Variants in LRP1B observed in about 807,000 individuals in gnomAD.
LRP1B encodes LDL receptor related protein 1B.
Under a neutral mutation model 556.6 loss-of-function variants are expected in LRP1B, and 217 were observed. That is an observed-to-expected ratio of 0.39 (90% CI 0.35 to 0.44). LRP1B has a LOEUF of 0.44. Ranked by LOEUF, LRP1B falls within the 20% of genes least tolerant of loss-of-function variation. The pLI is 1.00. For synonymous variants in LRP1B, 2,047 were observed against 1,865.8 expected, an observed-to-expected ratio of 1.10 and a Z score of -2.50; for missense variants, 5,053 against 5,620.8, an observed-to-expected ratio of 0.90 and a Z score of 3.23.
chr2:141,923,388 A>C (rs1448813164), intron 1 of LRP1B, among the ~76,000 whole-genome samples: 1 of 28,534 alleles, frequency 3.5e-5, no homozygotes, highest in Non-Finnish European at 7.0e-5. Context: ...ATTTTTAATG[A>C]AATTATCTCT....
intron 2 of LRP1B, among the ~76,000 whole-genome samples, chr2:141,798,571 G>A (rs1286895962): frequency 6.6e-6 from 1 of 151,726 alleles, no homozygotes; most frequent in Non-Finnish European, 1.5e-5. Context: ...GCTGGGCGTG[G>A]TGGTGGGTGC....
intron 16 of LRP1B, among the ~76,000 whole-genome samples, chr2:140,990,125 T>C (rs547039327): frequency 6.6e-6 from 1 of 152,168 alleles, no homozygotes; most frequent in South Asian, 2.1e-4. Context: ...GAGAATCGCT[T>C]GAACCCAAGA....
intron 32 of LRP1B, among the ~76,000 whole-genome samples, chr2:140,794,444 A>T (rs1400640301): frequency 6.6e-6 from 1 of 151,522 alleles, no homozygotes; most frequent in Non-Finnish European, 1.5e-5. Context: ...TTTAATTTGC[A>T]TAGAAATGAC....
At chr2:142,074,908 A>C (rs7563673) in intron 1 of LRP1B, among the ~76,000 whole-genome samples, 1 of 152,026 alleles carries the variant, frequency 6.6e-6, no homozygotes, top group Non-Finnish European at 1.5e-5. Context: ...TGTGTTATAC[A>C]CTACTTTCAG....
At chr2:142,064,779 A>C (rs2104899415) in intron 1 of LRP1B, among the ~76,000 whole-genome samples, 1 of 151,708 alleles carries the variant, frequency 6.6e-6, no homozygotes, top group African/African-American at 2.4e-5. Flanking sequence ...TTTCAGATCA[A>C]GAATTGACTT....
rs577784811 is a variant in LRP1B, at chr2:140,429,938, A to C, written c.10414+12566T>G. Reference sequence around the variant, plus strand: ...CTCCCCGGCTCCTTCAGCTGTACTCACTCTTTGTTGAGTCTCCCACAATTA... The same window carrying C: ...CTCCCCGGCTCCTTCAGCTGTACTCCCTCTTTGTTGAGTCTCCCACAATTA... On this transcript the variant is annotated intron_variant, in intron 66 of 90. Coordinates refer to ENST00000389484, the MANE Select transcript of LRP1B (RefSeq NM_018557.3). Among the ~76,000 whole-genome samples, 48 of 151,282 alleles carry C rather than the reference A, an allele frequency of 3.2e-4. 1 individual carries two copies. In the South Asian group the frequency reaches 0.01, roughly 32 times the overall value.
At chr2:140,365,522 A>G (rs1183171321) in intron 71 of LRP1B, among the ~76,000 whole-genome samples, 1 of 151,734 alleles carries the variant, frequency 6.6e-6, no homozygotes, top group African/African-American at 2.4e-5. Flanking sequence ...ATGTAGCAAT[A>G]TACAGTGGAG....
intron 3 of LRP1B, among the ~76,000 whole-genome samples, chr2:141,359,501 T>A (rs1255449422): frequency 6.6e-6 from 1 of 152,196 alleles, no homozygotes; most frequent in African/African-American, 2.4e-5. Context: ...CTCACATCTG[T>A]AATCCCAGCA....
At chr2:140,553,576 A>G (rs1349680126) in intron 43 of LRP1B, among the ~76,000 whole-genome samples, 1 of 152,068 alleles carries the variant, frequency 6.6e-6, no homozygotes, top group Non-Finnish European at 1.5e-5. Flanking sequence ...CCTAATTTCT[A>G]TTACTCTGAG....
Position 142,009,611 on chromosome 2 carries a change from C to T in LRP1B, c.82+121037G>A, listed in dbSNP as rs144715298. On this transcript the variant is annotated intron_variant, in intron 1 of 90. Transcript: ENST00000389484. ...CATAATAAAATCTGGAAGCACACGC[C>T]GATATATCTAATGTTGTCAAGGGCA... Among the ~76,000 whole-genome samples the T allele has an allele frequency of 5.0e-3, 756 of 152,080 alleles. 7 individuals are homozygous for T. Among genetic ancestry groups the T allele is most frequent in the African/African-American group, 0.017 (718 of 41,484 alleles).
intron 1 of LRP1B, among the ~76,000 whole-genome samples, chr2:142,072,599 T>G (rs1705359686): frequency 6.6e-6 from 1 of 152,014 alleles, no homozygotes; most frequent in Non-Finnish European, 1.5e-5. Context: ...TTTGTGATTT[T>G]TTTTGTTTAG....
intron 2 of LRP1B, among the ~76,000 whole-genome samples, chr2:141,524,115 T>C (rs1684614294): frequency 6.6e-6 from 1 of 152,142 alleles, no homozygotes; most frequent in Non-Finnish European, 1.5e-5. Flanking sequence ...TTTAGTGAAC[T>C]TAACTTTCCT....
chr2:141,714,878 T>C (rs765066428), intron 2 of LRP1B, among the ~76,000 whole-genome samples: 23 of 152,176 alleles, frequency 1.5e-4, no homozygotes, highest in Non-Finnish European at 2.9e-4. Context: ...AGAGGGCTGA[T>C]AAGTTTTGTC....
chr2:141,432,452 T>G (rs1218609136), intron 3 of LRP1B, among the ~76,000 whole-genome samples: 2 of 152,100 alleles, frequency 1.3e-5, no homozygotes, highest in African/African-American at 2.4e-5. Flanking sequence ...TCTTGCCTAA[T>G]AGAATGAATT....
chr2:140,586,028 T>A (rs7598903), intron 43 of LRP1B, among the ~76,000 whole-genome samples: 150,468 of 152,296 alleles, frequency 0.99, 74,363 homozygotes, highest in Middle Eastern at 1. Flanking sequence ...TTAAAAAAAC[T>A]CAAATAGATG....
rs1680548567 is a variant in LRP1B, at chr2:141,431,163, A to AAATG, written c.343+49229_343+49232dup. On this transcript the variant is annotated intron_variant, in intron 3 of 90. Transcript: ENST00000389484. Reference sequence around the variant, plus strand: ...AATCAAAATAAATAAATAAATAAATAAATGAAATAGATTACCATAGATTAT... The same window carrying AAATG: ...AATCAAAATAAATAAATAAATAAATAAATGAATGAAATAGATTACCATAGATTAT... Among the ~76,000 whole-genome samples the AAATG allele has an allele frequency of 3.3e-5, 5 of 152,018 alleles. No individual in the cohort carries two copies. The South Asian group carries it at 1.0e-3, about 32-fold the overall frequency.
chr2:140,881,179 AAGAT>A (rs1212144991), intron 25 of LRP1B, among the ~76,000 whole-genome samples: 1 of 151,998 alleles, frequency 6.6e-6, no homozygotes, highest in Non-Finnish European at 1.5e-5. Flanking sequence ...ACATAGCACT[AAGAT>A]AGTAAGCTGA....
chr2:141,160,251 T>C (rs374914107), intron 7 of LRP1B, among the ~76,000 whole-genome samples: 2 of 152,166 alleles, frequency 1.3e-5, no homozygotes, highest in African/African-American at 4.8e-5. Context: ...AAGTAAAAAT[T>C]ACTGACAATG....
intron 3 of LRP1B, among the ~76,000 whole-genome samples, chr2:141,441,892 C>G (rs4483982): frequency 0.056 from 8,491 of 152,200 alleles, 740 homozygotes; most frequent in African/African-American, 0.19. Context: ...ATCTGGTAAT[C>G]AAGGTTCTCA....
Sources: gnomAD v4.1 joint callset for allele counts (sites outside exome capture counted in the v4.1 genomes callset) on GRCh38, gnomAD v4.1.1 for gene constraint, MANE v1.5 for transcripts, NCBI Gene and HGNC (gene_info 2026-07-23, HGNC 2026-07-21) for gene names.